The following ABCA5 variants were observed in gnomAD, a reference collection of about 807,000 sequenced individuals.
ABCA5 encodes ATP binding cassette subfamily A member 5.
In ABCA5, 163 loss-of-function variants were observed where a neutral mutation model predicts 206.0. That is an observed-to-expected ratio of 0.79 (90% confidence interval 0.70 to 0.90). ABCA5 has a LOEUF of 0.90. Among genes scored for constraint, ABCA5 ranks in the 40% least tolerant of loss-of-function variants. The probability of loss-of-function intolerance (pLI) is 0.00; values close to 1 mark genes in which losing one functional copy is unlikely to be tolerated. For synonymous variants in ABCA5, 609 were observed against 613.8 expected (o/e 0.99, Z 0.11); for missense variants, 1,859 against 1,912.9 (o/e 0.97, Z 0.53).
Position 69,267,942 on chromosome 17 carries a change from C to A in ABCA5, c.3144+1G>T. On this transcript the variant is annotated splice_donor_variant, in intron 23 of 38. Transcript: ENST00000392676. LOFTEE classifies it high-confidence loss of function. ...TTATATATTTTTAACTGAGTCATTA[C>A]CTTATGATTCTCTGCATTTTCCATG... is the stretch of plus-strand genomic sequence containing the variant. The A allele has an allele frequency of 6.4e-7, 1 of 1,572,508 alleles. No homozygotes were observed. Among genetic ancestry groups the A allele is most frequent in the East Asian group, 2.2e-5 (1 of 44,478 alleles).
chr17:69,266,391 A>G (rs1453022573), intron 23 of ABCA5, among the ~76,000 whole-genome samples: 3 of 152,066 alleles, frequency 2.0e-5, no homozygotes, highest in African/African-American at 7.2e-5. Context: ...CAAAATGTAA[A>G]GAGTACACAG....
At chr17:69,273,854 A>G in intron 20 of ABCA5, 105 bp downstream of exon 20, 1 of 1,077,630 alleles carries the variant, frequency 9.3e-7, no homozygotes. Context: ...ATGCAGACAG[A>G]CCATGCCTTT....
intron 9 of ABCA5, among the ~76,000 whole-genome samples, chr17:69,300,270 C>T (rs476677): frequency 1.3e-5 from 2 of 151,900 alleles, no homozygotes; most frequent in African/African-American, 4.8e-5. Flanking sequence ...GTTCATACTC[C>T]TATGAGAATT....
At chr17:69,253,454 G>T in intron 34 of ABCA5, 119 bp downstream of exon 34, 2 of 568,814 alleles carry the variant, frequency 3.5e-6, no homozygotes, top group South Asian at 6.8e-5. Flanking sequence ...AATTACTAGT[G>T]TATCGTTTGA....
rs1491492719 is a variant in ABCA5 at position 69,303,825 on chromosome 17, T to TACACAC, written c.930+843_930+844insGTGTGT. ...ATATATATACATACATATATATATA[T>TACACAC]GTATATATATATATACATACATATA... is the stretch of plus-strand genomic sequence containing the variant. On this transcript the variant is annotated intron_variant, in intron 7 of 38. Transcript: ENST00000392676. Among the ~76,000 whole-genome samples, 10 of 5,634 alleles carry TACACAC rather than the reference T, an allele frequency of 1.8e-3. 2 individuals are homozygous for TACACAC. Among genetic ancestry groups the TACACAC allele is most frequent in the African/African-American group, 2.5e-3 (10 of 4,052 alleles). 3.7% of individuals were successfully genotyped at this position (5,634 alleles called of 152,430 possible).
intron 27 of ABCA5, 147 bp from the exon 28 acceptor site, chr17:69,259,944 T>A (rs565304778): frequency 4.9e-5 from 22 of 450,242 alleles, no homozygotes; most frequent in Non-Finnish European, 8.4e-5. Context: ...ATATTTTACA[T>A]GATAAAGATA....
rs1168870455 is a variant in ABCA5 at position 69,291,204 on chromosome 17, C to T, written c.1606+12G>A. The T allele has an allele frequency of 2.6e-6, 4 of 1,531,346 alleles. No individual in the cohort carries two copies. Among genetic ancestry groups the T allele is most frequent in the Non-Finnish European group, 2.7e-6 (3 of 1,131,004 alleles). The allele number at this position is 1,531,346 out of a possible 1,614,324, so 94.9% of individuals were successfully genotyped here. On this transcript the variant is annotated intron_variant, in intron 12 of 38. Coordinates refer to ENST00000392676, the MANE Select transcript of ABCA5 (RefSeq NM_172232.4). ...TAATGAAGTTTTTTTTTCTTTAAGA[C>T]AGAAAACTCACCATCAGAAGGTGGG...
At chr17:69,290,076 T>G in intron 12 of ABCA5, 39 bp from the exon 13 acceptor site, 1 of 1,339,918 alleles carries the variant, frequency 7.5e-7, no homozygotes, top group Non-Finnish European at 1.0e-6. Context: ...CATTAATTAT[T>G]TTATAATGTG....
chr17:69,307,267 C>G (rs1024257936), intron 5 of ABCA5, among the ~76,000 whole-genome samples: 3 of 151,932 alleles, frequency 2.0e-5, no homozygotes, highest in African/African-American at 7.2e-5. Flanking sequence ...TTATATGTAT[C>G]TTAGTAAAAA....
At chr17:69,248,181 CCTCT>C (rs1372701570) in intron 38 of ABCA5, 77 bp downstream of exon 38, 5 of 782,290 alleles carry the variant, frequency 6.4e-6, no homozygotes, top group East Asian at 2.8e-5. Flanking sequence ...GATATCTCTC[CCTCT>C]CTAATATAAA....
chr17:69,253,156 AACG>A (rs1360079185), intron 34 of ABCA5, among the ~76,000 whole-genome samples: 1 of 152,186 alleles, frequency 6.6e-6, no homozygotes, highest in Non-Finnish European at 1.5e-5. Context: ...ATGTTTGCAC[AACG>A]ACAACATCAC....
At chr17:69,302,984 A>G in intron 7 of ABCA5, 78 bp from the exon 8 acceptor site, 1 of 698,196 alleles carries the variant, frequency 1.4e-6, no homozygotes. Context: ...TTGCTTCTGA[A>G]AGAACAAGCT....
At chr17:69,287,968 C>T (rs1003732189) in intron 14 of ABCA5, among the ~76,000 whole-genome samples, 3 of 152,016 alleles carry the variant, frequency 2.0e-5, no homozygotes, top group African/African-American at 7.2e-5. Context: ...TAAAAGACTG[C>T]CTGTAATACA....
rs147123123 is a variant in ABCA5, at chr17:69,288,719, G to GAAGAAAGAAAGAAAGA, written c.1902+442_1902+457dup. On this transcript the variant is annotated intron_variant, in intron 14 of 38. Transcript: ENST00000392676. ...CGTCTCTACAAATTAAAAAAAAAAAGAAGAAAGAAAGAAAGAAAGAAAGAA... is the reference window on the plus strand; with the variant it reads ...CGTCTCTACAAATTAAAAAAAAAAAGAAGAAAGAAAGAAAGAAAGAAAGAAAGAAAGAAAGAAAGAA... Among the ~76,000 whole-genome samples, 353 of 145,264 alleles carry GAAGAAAGAAAGAAAGA rather than the reference G, an allele frequency of 2.4e-3. 3 individuals carry two copies. Among genetic ancestry groups the GAAGAAAGAAAGAAAGA allele is most frequent in the African/African-American group, 7.8e-3 (306 of 39,212 alleles).
At chr17:69,321,866 CTAACA>C (rs2075867926) in intron 1 of ABCA5, among the ~76,000 whole-genome samples, 1 of 151,928 alleles carries the variant, frequency 6.6e-6, no homozygotes, top group Non-Finnish European at 1.5e-5. Context: ...TTTTAAACAC[CTAACA>C]TCTCTAAAGA....
chr17:69,269,550 T>C (rs923807636), intron 22 of ABCA5, among the ~76,000 whole-genome samples: 1 of 152,132 alleles, frequency 6.6e-6, no homozygotes, highest in Non-Finnish European at 1.5e-5. Flanking sequence ...CCTAATTATA[T>C]ATCCAAGAGA....
At chr17:69,296,278 A>G (rs1425456648) in intron 10 of ABCA5, among the ~76,000 whole-genome samples, 2 of 152,184 alleles carry the variant, frequency 1.3e-5, no homozygotes, top group Non-Finnish European at 2.9e-5. Flanking sequence ...CCAATGAATT[A>G]CATCTTAAGT....
At chr17:69,299,014 G>A (rs1003450019) in intron 9 of ABCA5, among the ~76,000 whole-genome samples, 1 of 152,048 alleles carries the variant, frequency 6.6e-6, no homozygotes, top group African/African-American at 2.4e-5. Flanking sequence ...CTAAGAACAT[G>A]AATAGATAAC....
chr17:69,255,566 C>A lies in ABCA5; in HGVS notation c.4045G>T (p.Asp1349Tyr). 1 of 1,576,114 alleles carries A rather than the reference C, an allele frequency of 6.3e-7. No individual in the cohort carries two copies. The highest frequency in any genetic ancestry group is 8.6e-7 in the Non-Finnish European group (1 of 1,167,570). Residue 1349 changes from aspartate to tyrosine, a missense_variant, in exon 31 of 39, where the codon GAT becomes TAT. Physicochemically the swap from Asp to Tyr is radical, Grantham distance 160. Coordinates refer to ENST00000392676, the MANE Select transcript of ABCA5 (RefSeq NM_172232.4). ...KSTIINILVG[D>Y]IEPTSGQVFL... ...ACCTGGCCTGAAGTTGGTTCAATAT[C>A]ACCAACCAGAATATTAATAATTGTG...
Sources: gnomAD v4.1 joint callset for allele counts (sites outside exome capture counted in the v4.1 genomes callset) on GRCh38, gnomAD v4.1.1 for gene constraint, MANE v1.5 for transcripts, NCBI Gene and HGNC (gene_info 2026-07-23, HGNC 2026-07-21) for gene names.